Variants in KHDRBS3 observed in about 807,000 individuals in gnomAD.
KHDRBS3 encodes the protein KH RNA binding domain containing, signal transduction associated 3, also known as KH domain-containing, RNA-binding, signal transduction-associated protein 3.
In KHDRBS3, 23 loss-of-function variants were observed where a neutral mutation model predicts 45.6. The observed-to-expected ratio is 0.50, with a 90% CI of 0.36 to 0.72. KHDRBS3 has a LOEUF of 0.72. Ranked by LOEUF, KHDRBS3 falls within the 30% of genes least tolerant of loss-of-function variation. The pLI, the probability that KHDRBS3 is intolerant of heterozygous loss-of-function variation, is 0.00. For synonymous variants in KHDRBS3, 162 were observed against 156.5 expected (o/e 1.04, Z -0.26); for missense variants, 352 against 424.8 (o/e 0.83, Z 1.51).
intron 1 of KHDRBS3, among the ~76,000 whole-genome samples, chr8:135,496,186 A>G (rs1359320206): frequency 1.1e-5 from 1 of 93,412 alleles, no homozygotes; most frequent in East Asian, 5.5e-4. Context: ...GGGAAAGGTC[A>G]TGCAAAAAAA....
chr8:135,540,690 A>C (rs934454410), intron 2 of KHDRBS3: 2 of 152,230 alleles, frequency 1.3e-5, no homozygotes, highest in Non-Finnish European at 2.9e-5. Context: ...TAAGAGATTG[A>C]GGAGTTTCTC....
At chr8:135,481,752 T>G (rs527860310) in intron 1 of KHDRBS3, among the ~76,000 whole-genome samples, 22 of 152,372 alleles carry the variant, frequency 1.4e-4, no homozygotes, top group African/African-American at 4.3e-4. Flanking sequence ...AGTTACACTC[T>G]GCCATCATTG....
intron 6 of KHDRBS3, among the ~76,000 whole-genome samples, chr8:135,599,647 A>G (rs1829117964): frequency 6.6e-6 from 1 of 152,242 alleles, no homozygotes; most frequent in Admixed American, 6.5e-5. Flanking sequence ...AATACAAGAG[A>G]AAGGGCCTGC....
chr8:135,593,231 T>C (rs1828826860), intron 6 of KHDRBS3: 1 of 152,174 alleles, frequency 6.6e-6, no homozygotes, highest in Admixed American at 6.5e-5. Flanking sequence ...AAATAATCTT[T>C]ATGCTAAAGT....
chr8:135,609,704 TATG>T (rs1311111691), intron 7 of KHDRBS3, among the ~76,000 whole-genome samples: 1 of 151,866 alleles, frequency 6.6e-6, no homozygotes, highest in African/African-American at 2.4e-5. Flanking sequence ...TCAGCACCAT[TATG>T]ATATCTTAGC....
At chr8:135,590,386 TA>T (rs1828691708) in intron 6 of KHDRBS3, among the ~76,000 whole-genome samples, 1 of 152,214 alleles carries the variant, frequency 6.6e-6, no homozygotes, top group African/African-American at 2.4e-5. Context: ...GTTGTGTTTT[TA>T]TGCAGACTAT....
Position 135,645,060 on chromosome 8 carries a change from G to T in KHDRBS3, c.892G>T (p.Gly298Cys). 6.2e-7 allele frequency: 1 copy of T among 1,613,008 alleles called. No individual in the cohort carries two copies. The highest frequency in any genetic ancestry group is 8.5e-7 in the Non-Finnish European group (1 of 1,179,830). ...TTGTTTTGTTTTGATCACTTGCAGT[G>T]GTGCTGATTACTATGATTACGGACA... ...DNSYSTPAQSGADYYDYGHGL... is the reference protein window; with the variant it reads ...DNSYSTPAQSCADYYDYGHGL... The change falls in exon 8 of 9, where the codon GGT becomes TGT. Residue 298 changes from glycine to cysteine, a missense_variant and splice_region_variant. Gly to Cys is a radical substitution (Grantham distance 159, BLOSUM62 -3). This residue lies in a region of KHDRBS3 where 212 missense variants were observed against 209.6 expected (regional missense o/e 1.01). Coordinates refer to ENST00000355849, the MANE Select transcript of KHDRBS3 (RefSeq NM_006558.3).
chr8:135,553,339 T>C (rs1426835364), intron 4 of KHDRBS3, among the ~76,000 whole-genome samples: 1 of 152,172 alleles, frequency 6.6e-6, no homozygotes, highest in Non-Finnish European at 1.5e-5. Context: ...CGTCAGTTTT[T>C]ATTTTGCTTT....
intron 3 of KHDRBS3, among the ~76,000 whole-genome samples, chr8:135,543,483 C>T (rs572118561): frequency 3.3e-5 from 5 of 152,092 alleles, no homozygotes; most frequent in Non-Finnish European, 5.9e-5. Context: ...GATCACATAC[C>T]GTGAAATGTT....
At chr8:135,602,317 A>G (rs1237085477) in intron 6 of KHDRBS3, among the ~76,000 whole-genome samples, 2 of 152,242 alleles carry the variant, frequency 1.3e-5, no homozygotes, top group Non-Finnish European at 2.9e-5. Context: ...AATACTCGTC[A>G]TAATGGAAGT....
intron 6 of KHDRBS3, among the ~76,000 whole-genome samples, chr8:135,604,087 A>G (rs950473284): frequency 2.4e-4 from 36 of 151,976 alleles, no homozygotes; most frequent in Middle Eastern, 3.4e-3. Flanking sequence ...TTGAAGCTCT[A>G]TTGTTACATA....
intron 7 of KHDRBS3, among the ~76,000 whole-genome samples, chr8:135,628,639 C>T (rs1830472070): frequency 6.6e-6 from 1 of 152,152 alleles, no homozygotes; most frequent in African/African-American, 2.4e-5. Context: ...ACTGTGACCT[C>T]ATTGTCTCCA....
chr8:135,564,726 C>T (rs1586729330), intron 5 of KHDRBS3, among the ~76,000 whole-genome samples: 1 of 152,182 alleles, frequency 6.6e-6, no homozygotes, highest in Non-Finnish European at 1.5e-5. Flanking sequence ...GAAGCCAATC[C>T]GATGATATTT....
In KHDRBS3 at chr8:135,485,842, TTATATA is replaced by T. The variant is rs34886021; in HGVS notation, c.88+27910_88+27915del. Among the ~76,000 whole-genome samples, 324 of 120,320 alleles carry T rather than the reference TTATATA, an allele frequency of 2.7e-3. 7 individuals carry two copies. The highest frequency in any genetic ancestry group is 8.1e-3 in the Middle Eastern group (2 of 246). 78.9% of individuals were successfully genotyped at this position (120,320 alleles called of 152,430 possible). A position where few individuals can be genotyped will look rare whatever the true frequency, so the allele number is the denominator to read the frequency against. On this transcript the variant is annotated intron_variant, in intron 1 of 8. Coordinates refer to ENST00000355849, the MANE Select transcript of KHDRBS3 (RefSeq NM_006558.3). ...TGCAGGATTGATTGGCATTTCAAGTTTATATATATATATATATATATATATATTTTA... is the reference window on the plus strand; with the variant it reads ...TGCAGGATTGATTGGCATTTCAAGTTTATATATATATATATATATATTTTA...
intron 1 of KHDRBS3, among the ~76,000 whole-genome samples, chr8:135,483,141 T>G (rs571817606): frequency 1.7e-4 from 26 of 152,208 alleles, no homozygotes; most frequent in Non-Finnish European, 2.6e-4. Flanking sequence ...AGGTCAAAAC[T>G]GAAGGGTTTT....
intron 1 of KHDRBS3, among the ~76,000 whole-genome samples, chr8:135,476,248 A>C (rs1239221296): frequency 6.6e-6 from 1 of 151,982 alleles, no homozygotes; most frequent in South Asian, 2.1e-4. Flanking sequence ...GGTTCAAGCG[A>C]TTCTCCTGCC....
intron 5 of KHDRBS3, among the ~76,000 whole-genome samples, chr8:135,561,760 T>C (rs553782215): frequency 6.6e-6 from 1 of 152,224 alleles, no homozygotes; most frequent in Admixed American, 6.5e-5. Flanking sequence ...CCCCGTTGCC[T>C]AGTGACGATG....
intron 5 of KHDRBS3, among the ~76,000 whole-genome samples, chr8:135,577,720 A>T (rs1451363593): frequency 6.6e-6 from 1 of 152,122 alleles, no homozygotes; most frequent in African/African-American, 2.4e-5. Context: ...GAAAGTTTTT[A>T]TGTAGGCATA....
downstream of KHDRBS3, among the ~76,000 whole-genome samples, chr8:135,650,971 A>G (rs1253057038): frequency 1.3e-5 from 2 of 152,216 alleles, no homozygotes; most frequent in African/African-American, 4.8e-5. Context: ...GATTAAAGAC[A>G]TCATTGTTGT....
Sources: allele counts gnomAD v4.1 joint callset (sites outside exome capture counted in the v4.1 genomes callset), GRCh38; gene constraint gnomAD v4.1.1; regional missense constraint gnomAD v4.1.1; transcripts MANE v1.5; gene names NCBI Gene and HGNC (gene_info 2026-07-23, HGNC 2026-07-21).